Variants in RAD51B observed in about 807,000 individuals in gnomAD.
The protein encoded by RAD51B is DNA repair protein RAD51 homolog 2.
RAD51B carries 38 observed loss-of-function variants against 42.2 expected under a neutral mutation model. The ratio of observed to expected loss-of-function variants is 0.90; its 90% CI spans 0.70 to 1.18. RAD51B has a LOEUF of 1.18. Ranked by LOEUF, RAD51B falls within the 50% of genes most tolerant of loss-of-function variation. RAD51B has a pLI of 0.00. For missense variants in RAD51B, 373 were observed against 400.7 expected (o/e 0.93, Z 0.59); for synonymous variants, 154 against 145.2 (o/e 1.06, Z -0.43).
At chr14:68,121,106 C>T (rs750290768) in intron 7 of RAD51B, among the ~76,000 whole-genome samples, 10 of 152,136 alleles carry the variant, frequency 6.6e-5, no homozygotes, top group Non-Finnish European at 1.2e-4. Flanking sequence ...TATCTCTTTA[C>T]GCACTGGAAG....
chr14:68,589,386 A>G (rs978867564), intron 10 of RAD51B, among the ~76,000 whole-genome samples: 1 of 152,110 alleles, frequency 6.6e-6, no homozygotes, highest in Non-Finnish European at 1.5e-5. Context: ...CTTTAGCTGC[A>G]GGAGTTGAGA....
At chr14:67,893,401 G>T (rs1217547361) in intron 7 of RAD51B, among the ~76,000 whole-genome samples, 1 of 151,084 alleles carries the variant, frequency 6.6e-6, no homozygotes, top group Non-Finnish European at 1.5e-5. Context: ...AGGATCACTT[G>T]GCCAGGAGCT....
At chr14:68,214,710 A>G (rs2079778021) in intron 7 of RAD51B, among the ~76,000 whole-genome samples, 1 of 152,180 alleles carries the variant, frequency 6.6e-6, no homozygotes. Flanking sequence ...CAGTCTACAA[A>G]TTTATGCACA....
At chr14:67,969,790 A>G (rs1333183781) in intron 7 of RAD51B, among the ~76,000 whole-genome samples, 1 of 152,202 alleles carries the variant, frequency 6.6e-6, no homozygotes, top group Non-Finnish European at 1.5e-5. Context: ...TAATGTTCAA[A>G]GTAAACCTCC....
intron 8 of RAD51B, among the ~76,000 whole-genome samples, chr14:68,342,654 A>G (rs1399816066): frequency 6.6e-6 from 1 of 152,212 alleles, no homozygotes; most frequent in Non-Finnish European, 1.5e-5. Flanking sequence ...TCCTTACCAT[A>G]AAGTGAAGCC....
chr14:68,281,480 T>C (rs2081318540), intron 7 of RAD51B, among the ~76,000 whole-genome samples: 1 of 152,084 alleles, frequency 6.6e-6, no homozygotes, highest in Admixed American at 6.5e-5. Context: ...TGAGTAGGTG[T>C]GGAATAAATA....
chr14:68,001,997 C>T (rs1436867707), intron 7 of RAD51B, among the ~76,000 whole-genome samples: 3 of 152,076 alleles, frequency 2.0e-5, no homozygotes, highest in East Asian at 1.9e-4. Context: ...TATAGTGGTG[C>T]AGTGATCATA....
chr14:68,012,034 C>G (rs2075693061), intron 7 of RAD51B, among the ~76,000 whole-genome samples: 1 of 151,936 alleles, frequency 6.6e-6, no homozygotes, highest in Non-Finnish European at 1.5e-5. Flanking sequence ...GCCGTTAGAC[C>G]CTAGAAAAAT....
At chr14:68,038,486 A>G (rs941404215) in intron 7 of RAD51B, among the ~76,000 whole-genome samples, 3 of 152,088 alleles carry the variant, frequency 2.0e-5, no homozygotes, top group African/African-American at 7.2e-5. Context: ...TTGATTTTGT[A>G]AAGCCTGAAG....
intron 7 of RAD51B, among the ~76,000 whole-genome samples, chr14:67,927,618 G>C (rs10130605): frequency 1.3e-5 from 2 of 151,864 alleles, no homozygotes; most frequent in African/African-American, 4.8e-5. Flanking sequence ...CTTATTTTGC[G>C]TAACATAATG....
intron 7 of RAD51B, among the ~76,000 whole-genome samples, chr14:68,123,179 T>C (rs1414412552): frequency 8.6e-5 from 13 of 151,060 alleles, no homozygotes; most frequent in Admixed American, 8.6e-4. Flanking sequence ...TCTTTTCTTT[T>C]TTTCTTTCTT....
intron 7 of RAD51B, among the ~76,000 whole-genome samples, chr14:68,150,535 G>A (rs1481053271): frequency 6.6e-6 from 1 of 152,070 alleles, no homozygotes; most frequent in Non-Finnish European, 1.5e-5. Flanking sequence ...TACATATTTT[G>A]TTTGGTTTAT....
chr14:68,626,085 C>T (rs939551093), intron 10 of RAD51B, among the ~76,000 whole-genome samples: 1 of 152,244 alleles, frequency 6.6e-6, no homozygotes, highest in Non-Finnish European at 1.5e-5. Flanking sequence ...ACTGGAACAG[C>T]TTGACAAATC....
At chr14:67,923,024 C>A (rs974363585) in intron 7 of RAD51B, among the ~76,000 whole-genome samples, 1 of 152,074 alleles carries the variant, frequency 6.6e-6, no homozygotes, top group African/African-American at 2.4e-5. Context: ...CACCTGCCTC[C>A]TGCCCTTCCC....
At chr14:68,654,082 G>A (rs1359014191) in intron 11 of RAD51B, among the ~76,000 whole-genome samples, 7 of 152,256 alleles carry the variant, frequency 4.6e-5, no homozygotes. Context: ...AAGAGAGGAA[G>A]CTCTGATGAC....
intron 7 of RAD51B, among the ~76,000 whole-genome samples, chr14:68,117,853 G>C (rs2077576611): frequency 6.6e-6 from 1 of 152,188 alleles, no homozygotes; most frequent in Admixed American, 6.5e-5. Flanking sequence ...CAACGATGCT[G>C]TCATTGCAAG....
intron 7 of RAD51B, among the ~76,000 whole-genome samples, chr14:68,194,371 T>A (rs1354187182): frequency 2.6e-5 from 4 of 152,172 alleles, no homozygotes; most frequent in Admixed American, 2.6e-4. Flanking sequence ...TGCTAAACAT[T>A]ATGGACAATA....
intron 7 of RAD51B, among the ~76,000 whole-genome samples, chr14:68,132,079 TTC>T (rs2077904104): frequency 6.6e-6 from 1 of 152,208 alleles, no homozygotes; most frequent in Admixed American, 6.5e-5. Flanking sequence ...GGCAGTCACA[TTC>T]TTCTGGGCTT....
rs1358619451 is a variant in RAD51B, at chr14:68,656,594, C to T, written c.*11+5738C>T. Among the ~76,000 whole-genome samples the T allele has an allele frequency of 3.3e-5, 5 of 152,124 alleles. No individual in the cohort carries two copies. In the East Asian group the frequency reaches 9.6e-4, roughly 29 times the overall value. On this transcript the variant is annotated intron_variant, in intron 11 of 11. Transcript: ENST00000488612. ...AGCTCCGGGACTCCCACACAGAGCC[C>T]CTTTCTCCTGCGCTCTGGCCCAGAG...
Sources: gnomAD v4.1 joint callset for allele counts (sites outside exome capture counted in the v4.1 genomes callset) on GRCh38, gnomAD v4.1.1 for gene constraint, MANE v1.5 for transcripts, NCBI Gene and HGNC (gene_info 2026-07-23, HGNC 2026-07-21) for gene names.